Variants in ARHGAP25 observed in about 807,000 individuals in gnomAD.
ARHGAP25 encodes the protein Rho GTPase activating protein 25.
In ARHGAP25, 34 loss-of-function variants were observed where a neutral mutation model predicts 71.0. The ratio of observed to expected loss-of-function variants is 0.48; its 90% CI spans 0.36 to 0.64. The LOEUF (loss-of-function observed/expected upper bound fraction) is 0.64, where lower values mean the gene tolerates loss of function less well. Among genes scored for constraint, ARHGAP25 ranks in the 30% least tolerant of loss-of-function variants. ARHGAP25 has a pLI of 0.00. For synonymous variants in ARHGAP25, 282 were observed against 296.5 expected, an observed-to-expected ratio of 0.95 and a Z score of 0.50; for missense variants, 706 against 805.1, an observed-to-expected ratio of 0.88 and a Z score of 1.49.
rs373707170 is a variant in ARHGAP25 at position 68,718,445 on chromosome 2, G to C, written c.-18+7747G>C. Among the ~76,000 whole-genome samples, 7 of 152,218 alleles carry C rather than the reference G, an allele frequency of 4.6e-5. No homozygotes were observed. The South Asian group carries it at 1.5e-3, about 32-fold the overall frequency. On this transcript the variant is annotated intron_variant and NMD_transcript_variant, in intron 2 of 7. Transcript: ENST00000463483. The stretch of plus-strand genomic sequence containing the variant: ...TATAAGGGCACACTTGGATAATCCA[G>C]CATGGCATCCCCATCTCAATATCCT...
chr2:68,787,781 C>T, intron 3 of ARHGAP25, 59 bp from the exon 4 acceptor site: 1 of 1,404,442 alleles, frequency 7.1e-7, no homozygotes, highest in East Asian at 2.3e-5. Flanking sequence ...CCTTCTCTTC[C>T]CCTTGCTCTC....
chr2:68,748,148 C>T (rs1481388426), intron 1 of ARHGAP25, among the ~76,000 whole-genome samples: 2 of 152,198 alleles, frequency 1.3e-5, no homozygotes, highest in Non-Finnish European at 2.9e-5. Flanking sequence ...TCCTCCCACA[C>T]TGTGTCCCAG....
intron 6 of ARHGAP25, among the ~76,000 whole-genome samples, chr2:68,813,671 G>T (rs1680998075): frequency 6.6e-6 from 1 of 152,174 alleles, no homozygotes; most frequent in Non-Finnish European, 1.5e-5. Flanking sequence ...AAAGTAGTGA[G>T]AAAAGGAGGA....
intron 6 of ARHGAP25, 198 bp from the exon 7 acceptor site, chr2:68,816,091 G>C: frequency 1.5e-6 from 1 of 653,894 alleles, no homozygotes; most frequent in South Asian, 1.6e-5. Context: ...CAAAAACTAT[G>C]ACCCTTTTAA....
At chr2:68,769,601 G>A (rs1029554396) in intron 1 of ARHGAP25, among the ~76,000 whole-genome samples, 3 of 152,114 alleles carry the variant, frequency 2.0e-5, no homozygotes, top group African/African-American at 7.2e-5. Flanking sequence ...CAAGTGGAGA[G>A]GGAAGACAGG....
At chr2:68,796,073 T>A (rs1371380629) in intron 4 of ARHGAP25, among the ~76,000 whole-genome samples, 2 of 152,260 alleles carry the variant, frequency 1.3e-5, no homozygotes, top group Non-Finnish European at 2.9e-5. Flanking sequence ...AAAATACTTG[T>A]ATTCAGGTTC....
chr2:68,818,006 C>T lies in ARHGAP25; in HGVS notation c.1003+12C>T. The stretch of plus-strand genomic sequence containing the variant: ...CGTGATCATGAGAGGTATGGCTGGT[C>T]CCGTAGTGAAAGCAGGTACCCAGGA... On this transcript the variant is annotated intron_variant, in intron 8 of 10. Transcript: ENST00000409202. 1 of 1,613,632 alleles carries T rather than the reference C, an allele frequency of 6.2e-7. No individual in the cohort carries two copies. The highest frequency in any genetic ancestry group is 8.5e-7 in the Non-Finnish European group (1 of 1,179,864).
chr2:68,808,102 C>A (rs1430123377), intron 5 of ARHGAP25, among the ~76,000 whole-genome samples: 1 of 152,088 alleles, frequency 6.6e-6, no homozygotes, highest in Non-Finnish European at 1.5e-5. Flanking sequence ...TCCCACCACC[C>A]CCTTCCTCCC....
chr2:68,792,402 C>T lies in ARHGAP25; in HGVS notation c.466+4446C>T, dbSNP rs551067215. ...TATTAAGTGATTTCTCATCATACAC[C>T]GCCTTCCATCCCCTCATCCTTCTGA... On this transcript the variant is annotated intron_variant, in intron 4 of 10. Coordinates refer to ENST00000409202, the MANE Select transcript of ARHGAP25 (RefSeq NM_001007231.3). Among the ~76,000 whole-genome samples the T allele has an allele frequency of 5.3e-5, 8 of 152,214 alleles. No individual in the cohort carries two copies. The East Asian group carries it at 5.8e-4, about 11-fold the overall frequency.
intron 2 of ARHGAP25, among the ~76,000 whole-genome samples, chr2:68,723,314 G>A (rs573287132): frequency 1.3e-5 from 2 of 152,340 alleles, no homozygotes; most frequent in African/African-American, 4.8e-5. Flanking sequence ...ATCGGGGGCA[G>A]GGAGCCTATA....
intron 4 of ARHGAP25, among the ~76,000 whole-genome samples, chr2:68,802,638 T>A (rs6727322): frequency 6.6e-6 from 1 of 150,770 alleles, no homozygotes; most frequent in African/African-American, 2.4e-5. Context: ...AGGGATGGGA[T>A]GATAGTGAGA....
At position 68,715,354 on chromosome 2, in the gene ARHGAP25, T is replaced by C. The variant is rs542756723; in HGVS notation, c.-18+4656T>C. Among the ~76,000 whole-genome samples, 3 of 152,186 alleles carry C rather than the reference T, an allele frequency of 2.0e-5. No homozygotes were observed. The East Asian group carries it at 5.8e-4, about 29-fold the overall frequency. On this transcript the variant is annotated intron_variant and NMD_transcript_variant, in intron 2 of 7. Coordinates refer to the ARHGAP25 transcript ENST00000463483. ...AGGCCATTCTGATGCCTGCTCAAGT[T>C]TGAGAAGCCCCGTTCTAAGACAGCC...
chr2:68,809,741 C>G (rs1680640916), intron 5 of ARHGAP25, among the ~76,000 whole-genome samples: 1 of 152,170 alleles, frequency 6.6e-6, no homozygotes, highest in East Asian at 1.9e-4. Flanking sequence ...AACTTCACGG[C>G]TGTGGGAACT....
intron 4 of ARHGAP25, among the ~76,000 whole-genome samples, chr2:68,806,706 G>T (rs547869699): frequency 3.3e-5 from 5 of 152,316 alleles, no homozygotes; most frequent in African/African-American, 1.2e-4. Context: ...GTTTGTTTCT[G>T]GAATTTTGCA....
intron 1 of ARHGAP25, among the ~76,000 whole-genome samples, chr2:68,755,281 C>A (rs978824581): frequency 3.3e-5 from 5 of 152,142 alleles, no homozygotes; most frequent in Non-Finnish European, 7.3e-5. Flanking sequence ...TCCTGTGTTA[C>A]TCTGAACTCT....
chr2:68,809,969 A>G (rs537663571), intron 5 of ARHGAP25, among the ~76,000 whole-genome samples: 4 of 152,230 alleles, frequency 2.6e-5, no homozygotes, highest in South Asian at 4.1e-4. Context: ...TCTCACCCCT[A>G]TGTGTCTGTG....
intron 3 of ARHGAP25, among the ~76,000 whole-genome samples, chr2:68,786,147 A>G (rs1383341304): frequency 1.3e-5 from 2 of 152,280 alleles, no homozygotes; most frequent in East Asian, 3.9e-4. Flanking sequence ...AGTCCATGGA[A>G]GTCCTCTTCA....
Position 68,810,731 on chromosome 2 carries a change from C to CTTTTT in ARHGAP25, c.675-2539_675-2535dup, listed in dbSNP as rs539849992. Among the ~76,000 whole-genome samples, 14 of 74,348 alleles carry CTTTTT rather than the reference C, an allele frequency of 1.9e-4. 3 individuals carry two copies. The highest frequency in any genetic ancestry group is 3.4e-4 in the South Asian group (1 of 2,912). 48.8% of individuals were successfully genotyped at this position (74,348 alleles called of 152,430 possible). On this transcript the variant is annotated intron_variant, in intron 5 of 10. Coordinates refer to ENST00000409202, the MANE Select transcript of ARHGAP25 (RefSeq NM_001007231.3). The stretch of plus-strand genomic sequence containing the variant: ...GATCCAATTTCTTTTCTTTTCTTCT[C>CTTTTT]TTTTTTTTTTTTTTTTTTTTTGAGA...
intron 1 of ARHGAP25, among the ~76,000 whole-genome samples, chr2:68,735,864 G>A (rs1675185884): frequency 1.3e-5 from 2 of 152,132 alleles, no homozygotes; most frequent in South Asian, 4.1e-4. Context: ...TATTTTAAGG[G>A]AGACTGGCAT....
Sources: gnomAD v4.1 joint callset for allele counts (sites outside exome capture counted in the v4.1 genomes callset) on GRCh38, gnomAD v4.1.1 for gene constraint, MANE v1.5 for transcripts, NCBI Gene and HGNC (gene_info 2026-07-23, HGNC 2026-07-21) for gene names.